The following EIPR1 variants were observed in gnomAD, a reference collection of about 807,000 sequenced individuals.
EIPR1 encodes the protein EARP and GARP complex-interacting protein 1.
In EIPR1, 25 loss-of-function variants were observed where a neutral mutation model predicts 48.1. The observed-to-expected ratio is 0.52, with a 90% confidence interval of 0.38 to 0.73. The LOEUF (loss-of-function observed/expected upper bound fraction) is 0.73, where lower values mean the gene tolerates loss of function less well. EIPR1 is among the 30% of genes least tolerant of loss of function. EIPR1 has a pLI of 0.00. For synonymous variants in EIPR1, 204 were observed against 201.9 expected (o/e 1.01, Z -0.09); for missense variants, 415 against 506.2 (o/e 0.82, Z 1.73).
At chr2:3,363,203 G>T (rs560916033) in intron 1 of EIPR1, among the ~76,000 whole-genome samples, 33 of 152,118 alleles carry the variant, frequency 2.2e-4, no homozygotes, top group African/African-American at 7.7e-4. Context: ...AAAGACCAGC[G>T]ATCAAAAGAA....
chr2:3,283,038 A>T (rs1261379288), intron 3 of EIPR1, among the ~76,000 whole-genome samples: 1 of 152,148 alleles, frequency 6.6e-6, no homozygotes, highest in Non-Finnish European at 1.5e-5. Flanking sequence ...TATTTTGCTT[A>T]TTTATTCCAT....
At chr2:3,251,046 A>T (rs183297991) in intron 4 of EIPR1, among the ~76,000 whole-genome samples, 74 of 152,324 alleles carry the variant, frequency 4.9e-4, no homozygotes, top group African/African-American at 1.7e-3. Flanking sequence ...ACAGTGTGAG[A>T]TATACTGAAA....
chr2:3,285,830 C>T (rs376460668), intron 3 of EIPR1, among the ~76,000 whole-genome samples: 1 of 73,662 alleles, frequency 1.4e-5, no homozygotes, highest in Non-Finnish European at 2.6e-5. Flanking sequence ...GACCCTCGCA[C>T]GGAGCAGAAG....
chr2:3,208,096 C>T (rs1383022544), intron 5 of EIPR1: 1 of 162,150 alleles, frequency 6.2e-6, no homozygotes, highest in Non-Finnish European at 1.3e-5. Context: ...TTTTATGAGT[C>T]TTACAAGGAA....
intron 4 of EIPR1, among the ~76,000 whole-genome samples, chr2:3,254,845 C>T (rs911793239): frequency 3.3e-5 from 5 of 152,160 alleles, no homozygotes; most frequent in Admixed American, 6.5e-5. Context: ...TGTTCACACA[C>T]GAATGCATAT....
chr2:3,240,587 T>TTCCTAAAGAAAAGCCAGAAGATCTC (rs1666577924), intron 4 of EIPR1, among the ~76,000 whole-genome samples: 1 of 61,042 alleles, frequency 1.6e-5, no homozygotes, highest in Non-Finnish European at 3.3e-5. Flanking sequence ...CAGCAGACCC[T>TTCCTAAAGAAAAGCCAGAAGATCTC]TCCTAAAGAA....
At chr2:3,245,607 A>T (rs1666772400) in intron 4 of EIPR1, among the ~76,000 whole-genome samples, 1 of 152,182 alleles carries the variant, frequency 6.6e-6, no homozygotes, top group African/African-American at 2.4e-5. Flanking sequence ...TTCCTGCACA[A>T]ACTAAGGGAT....
chr2:3,311,159 T>A (rs1669117120), intron 3 of EIPR1, among the ~76,000 whole-genome samples: 1 of 152,162 alleles, frequency 6.6e-6, no homozygotes. Flanking sequence ...GCCTAGTATG[T>A]GCACAGGTAG....
chr2:3,291,812 G>A lies in EIPR1; in HGVS notation c.260-34357C>T, dbSNP rs986762314. 1.2e-4 allele frequency among the ~76,000 whole-genome samples: 18 copies of A among 152,286 alleles called. No individual in the cohort carries two copies. The East Asian group carries it at 1.5e-3, about 13-fold the overall frequency. The stretch of plus-strand genomic sequence containing the variant: ...GTTCTCAAATATCAACCTTAGTGCC[G>A]TTTTCCTGATTTTCTTGGAGAAACA... On this transcript the variant is annotated intron_variant, in intron 3 of 8. Coordinates refer to ENST00000382125, the MANE Select transcript of EIPR1 (RefSeq NM_003310.5).
At chr2:3,218,170 G>A (rs1220002277) in intron 4 of EIPR1, among the ~76,000 whole-genome samples, 2 of 150,980 alleles carry the variant, frequency 1.3e-5, no homozygotes, top group African/African-American at 2.4e-5. Flanking sequence ...TGAGTCAGGT[G>A]GACACCCAAC....
chr2:3,217,803 C>T (rs1314681535), intron 4 of EIPR1, among the ~76,000 whole-genome samples: 3 of 152,152 alleles, frequency 2.0e-5, no homozygotes, highest in East Asian at 1.9e-4. Flanking sequence ...TCCTGGGCCC[C>T]ACCCGAGAAT....
intron 3 of EIPR1, among the ~76,000 whole-genome samples, chr2:3,277,948 T>A (rs944706095): frequency 2.5e-4 from 38 of 152,278 alleles, no homozygotes; most frequent in African/African-American, 8.2e-4. Flanking sequence ...ATTCATGGAA[T>A]GAGGGGGCAC....
intron 4 of EIPR1, among the ~76,000 whole-genome samples, chr2:3,253,390 G>A (rs1667061017): frequency 1.3e-5 from 2 of 152,076 alleles, no homozygotes; most frequent in Non-Finnish European, 2.9e-5. Context: ...GACCCCCTGA[G>A]GGCCGTGGTC....
At chr2:3,261,304 G>A (rs751788713) in intron 3 of EIPR1, among the ~76,000 whole-genome samples, 4 of 152,228 alleles carry the variant, frequency 2.6e-5, no homozygotes, top group African/African-American at 4.8e-5. Flanking sequence ...GAGTGCAAAC[G>A]TACATAACGT....
chr2:3,348,200 G>A (rs1255508686), intron 2 of EIPR1, among the ~76,000 whole-genome samples: 2 of 152,170 alleles, frequency 1.3e-5, no homozygotes, highest in East Asian at 3.8e-4. Context: ...GTTAGCCAGG[G>A]GAGGAAACGA....
intron 5 of EIPR1, among the ~76,000 whole-genome samples, chr2:3,203,651 G>A (rs1344156345): frequency 6.6e-6 from 1 of 152,262 alleles, no homozygotes; most frequent in Non-Finnish European, 1.5e-5. Context: ...GGTCGGCAGC[G>A]TCTGGGATGG....
intron 1 of EIPR1, among the ~76,000 whole-genome samples, chr2:3,375,274 A>G (rs1291477863): frequency 6.6e-6 from 1 of 150,916 alleles, no homozygotes; most frequent in African/African-American, 2.4e-5. Context: ...AGATATACCT[A>G]ATGCTGAATG....
chr2:3,284,124 G>A (rs1668103701), intron 3 of EIPR1, among the ~76,000 whole-genome samples: 1 of 152,084 alleles, frequency 6.6e-6, no homozygotes, highest in South Asian at 2.1e-4. Flanking sequence ...CTGCAGGTAA[G>A]GTGGGCACAT....
chr2:3,205,586 C>T (rs570620323), intron 5 of EIPR1, among the ~76,000 whole-genome samples: 1 of 152,388 alleles, frequency 6.6e-6, no homozygotes, highest in East Asian at 1.9e-4. Context: ...TTGTTTAAGT[C>T]ATTCCCTGTG....
Sources: gnomAD v4.1 joint callset for allele counts (sites outside exome capture counted in the v4.1 genomes callset) on GRCh38, gnomAD v4.1.1 for gene constraint, MANE v1.5 for transcripts, NCBI Gene and HGNC (gene_info 2026-07-23, HGNC 2026-07-21) for gene names.